The following HIPK1 variants were observed in gnomAD, a reference collection of about 807,000 sequenced individuals.
HIPK1 encodes homeodomain-interacting protein kinase 1.
Under a neutral mutation model 117.1 loss-of-function variants are expected in HIPK1, and 28 were observed. The ratio of observed to expected loss-of-function variants is 0.24; its 90% confidence interval spans 0.18 to 0.33. HIPK1 has a LOEUF of 0.33. Ranked by LOEUF, HIPK1 falls within the 10% of genes least tolerant of loss-of-function variation. The probability of loss-of-function intolerance (pLI) is 1.00; values close to 1 mark genes in which losing one functional copy is unlikely to be tolerated. For missense variants in HIPK1, 1,122 were observed against 1,475.1 expected, an observed-to-expected ratio of 0.76 and a Z score of 3.92; for synonymous variants, 605 against 562.5, an observed-to-expected ratio of 1.08 and a Z score of -1.07.
At chr1:113,965,551 A>G (rs143263012) in intron 10 of HIPK1, among the ~76,000 whole-genome samples, 1 of 152,170 alleles carries the variant, frequency 6.6e-6, no homozygotes, top group African/African-American at 2.4e-5. Flanking sequence ...GTGGCTATAA[A>G]TGATGAAGTT....
chr1:113,929,933 A>G, intron 1 of HIPK1: 1 of 984,860 alleles, frequency 1.0e-6, no homozygotes, highest in Non-Finnish European at 1.2e-6. Context: ...AACCAGACAC[A>G]CCGGCGGTGA....
intron 14 of HIPK1, 129 bp from the exon 15 acceptor site, chr1:113,971,695 T>C: frequency 1.3e-6 from 1 of 765,768 alleles, no homozygotes; most frequent in African/African-American, 1.9e-5. Context: ...GTTATTTTCT[T>C]CTGATGTAAA....
At chr1:113,952,064 G>A (rs1330106978) in intron 2 of HIPK1, among the ~76,000 whole-genome samples, 7 of 148,272 alleles carry the variant, frequency 4.7e-5, no homozygotes, top group African/African-American at 1.2e-4. Context: ...TCAACCTCCT[G>A]AGTAGCTGGG....
intron 8 of HIPK1, among the ~76,000 whole-genome samples, chr1:113,961,588 C>CTTA (rs1294258331): frequency 2.0e-5 from 3 of 152,142 alleles, no homozygotes; most frequent in African/African-American, 4.8e-5. Flanking sequence ...AAAAGTTATA[C>CTTA]TTAAGCCTTT....
chr1:113,973,838 T>A lies in HIPK1; in HGVS notation c.*326T>A. 4.8e-6 allele frequency: 1 copy of A among 206,584 alleles called. No homozygotes were observed. Among genetic ancestry groups the A allele is most frequent in the East Asian group, 1.1e-4 (1 of 9,076 alleles). The allele number at this position is 206,584 out of a possible 1,614,324, so 12.8% of individuals were successfully genotyped here. A position where few individuals can be genotyped will look rare whatever the true frequency, so the allele number is the denominator to read the frequency against. On this transcript the variant is annotated 3_prime_UTR_variant, in exon 16 of 16. Transcript: ENST00000426820. Reference sequence around the variant, plus strand: ...TTCTGAAGTTACCCTCTGAAAAATATTTTGTCTCTCTGACTTGATTTCTAT... The same window carrying A: ...TTCTGAAGTTACCCTCTGAAAAATAATTTGTCTCTCTGACTTGATTTCTAT...
Position 113,941,319 on chromosome 1 carries a change from C to G in HIPK1, c.936C>G (p.Ile312Met). The G allele has an allele frequency of 6.2e-7, 1 of 1,614,228 alleles. No individual in the cohort carries two copies. Among genetic ancestry groups the G allele is most frequent in the South Asian group, 1.1e-5 (1 of 91,090 alleles). ...TGAAGCTCAAGAGTCTTGGTCTGATCCACGCTGACCTTAAGCCTGAAAACA... is the reference window on the plus strand; with the variant it reads ...TGAAGCTCAAGAGTCTTGGTCTGATGCACGCTGACCTTAAGCCTGAAAACA... ...ALMKLKSLGL[I>M]HADLKPENIM... The change falls in exon 2 of 16, where the codon ATC becomes ATG. Residue 312 changes from isoleucine (I) to methionine (M), a missense_variant. Physicochemically the swap from Ile to Met is conservative, Grantham distance 10. Around this residue, in one of 6 missense-constraint regions of HIPK1, gnomAD observed 62 missense variants for 121.5 expected, o/e 0.51. Coordinates refer to ENST00000426820, the MANE Select transcript of HIPK1 (RefSeq NM_198268.3). This position sits in a 1 kb window ranked among gnomAD's most constrained non-coding sequence, Gnocchi z 4.9.
chr1:113,968,047 A>G, intron 12 of HIPK1, 99 bp downstream of exon 12: 1 of 1,027,578 alleles, frequency 9.7e-7, no homozygotes, highest in Admixed American at 3.0e-5. Context: ...ATAGATATGA[A>G]GCAGCAAGTA....
intron 2 of HIPK1, among the ~76,000 whole-genome samples, chr1:113,943,650 G>A (rs2101195612): frequency 6.6e-6 from 1 of 152,294 alleles, no homozygotes; most frequent in South Asian, 2.1e-4. Context: ...AGCTAGGAGT[G>A]GAATTGCTGG....
At position 113,974,870 on chromosome 1, in the gene HIPK1, G is replaced by A. The variant is rs1673055109; in HGVS notation, c.*1358G>A. The A allele has an allele frequency of 6.5e-6, 1 of 152,708 alleles. No individual in the cohort carries two copies. Among genetic ancestry groups the A allele is most frequent in the African/African-American group, 2.4e-5 (1 of 41,418 alleles). 9.5% of individuals were successfully genotyped at this position (152,708 alleles called of 1,614,324 possible). Reference sequence around the variant, plus strand: ...TGTGTAGTGATTACACTTGAATTGTGTACTTAGTGTGTATGTGATCCTCCA... The same window carrying A: ...TGTGTAGTGATTACACTTGAATTGTATACTTAGTGTGTATGTGATCCTCCA... On this transcript the variant is annotated 3_prime_UTR_variant, in exon 16 of 16. Coordinates refer to ENST00000426820, the MANE Select transcript of HIPK1 (RefSeq NM_198268.3).
chr1:113,962,511 AT>A, intron 9 of HIPK1, 73 bp downstream of exon 9: 1 of 1,472,282 alleles, frequency 6.8e-7, no homozygotes, highest in Non-Finnish European at 9.2e-7. Flanking sequence ...GTCCTAGAAA[AT>A]GGTATTTCCT....
chr1:113,959,444 A>G (rs767809853), intron 8 of HIPK1, among the ~76,000 whole-genome samples: 17 of 152,302 alleles, frequency 1.1e-4, no homozygotes, highest in Admixed American at 2.6e-4. Context: ...TATGCTTCAT[A>G]ATAGTAAATT....
chr1:113,942,176 CTCCTG>C (rs937087777), intron 2 of HIPK1, among the ~76,000 whole-genome samples: 6 of 151,016 alleles, frequency 4.0e-5, no homozygotes, highest in Admixed American at 1.3e-4. Flanking sequence ...TCTCCTGCTA[CTCCTG>C]TCCTGAGTAG....
chr1:113,945,827 G>A (rs1229019768), intron 2 of HIPK1, among the ~76,000 whole-genome samples: 1 of 152,038 alleles, frequency 6.6e-6, no homozygotes, highest in Non-Finnish European at 1.5e-5. Context: ...TTGGCTATTT[G>A]GGGTCTTTGA....
At chr1:113,956,984 C>A in intron 6 of HIPK1, 140 bp from the exon 7 acceptor site, 1 of 890,478 alleles carries the variant, frequency 1.1e-6, no homozygotes, top group Non-Finnish European at 1.7e-6. Context: ...TATTTTTCTT[C>A]CCTATGATTA....
intron 13 of HIPK1, among the ~76,000 whole-genome samples, chr1:113,969,063 T>C (rs1052433574): frequency 1.3e-5 from 2 of 152,058 alleles, no homozygotes; most frequent in African/African-American, 4.8e-5. Context: ...AAAAGGTGTT[T>C]TGGAAGCATA....
intron 3 of HIPK1, among the ~76,000 whole-genome samples, chr1:113,953,191 T>C (rs1250493681): frequency 6.6e-6 from 1 of 152,196 alleles, no homozygotes; most frequent in African/African-American, 2.4e-5. Flanking sequence ...CTTTGTGAGT[T>C]AGGAAAGTAG....
At position 113,966,272 on chromosome 1, in the gene HIPK1, G is replaced by A. The variant is rs753788648; in HGVS notation, c.2381G>A (p.Arg794Lys). ...MGSGQQLADW[R>K]NAHSHGNQYS... ...AGTGGACAGCAGCTAGCTGACTGGA[G>A]GCAAGTGTCCTGTGTTACTCTGGGA... The change falls in exon 11 of 16, where the codon AGG (arginine) becomes AAG (lysine). Residue 794 changes from arginine (R) to lysine (K), a missense_variant and splice_region_variant. Physicochemically the swap from Arg to Lys is conservative, Grantham distance 26. Around this residue, in one of 6 missense-constraint regions of HIPK1, gnomAD observed 731 missense variants for 860.4 expected, o/e 0.85. Coordinates refer to ENST00000426820, the MANE Select transcript of HIPK1 (RefSeq NM_198268.3). 2 of 1,613,148 alleles carry A rather than the reference G, an allele frequency of 1.2e-6. No individual in the cohort carries two copies. Among genetic ancestry groups the A allele is most frequent in the Non-Finnish European group, 1.7e-6 (2 of 1,179,560 alleles).
chr1:113,942,115 G>A (rs939364979), intron 2 of HIPK1, among the ~76,000 whole-genome samples: 1 of 150,786 alleles, frequency 6.6e-6, no homozygotes, highest in Non-Finnish European at 1.5e-5. Flanking sequence ...CTAGAGTGCA[G>A]TGGTGTGACA....
chr1:113,946,900 G>GCATT (rs1478670620), intron 2 of HIPK1, among the ~76,000 whole-genome samples: 1 of 152,150 alleles, frequency 6.6e-6, no homozygotes, highest in Non-Finnish European at 1.5e-5. Context: ...AGCAGCTCAG[G>GCATT]CATTCCTTCT....
Sources: allele counts gnomAD v4.1 joint callset (sites outside exome capture counted in the v4.1 genomes callset), GRCh38; gene constraint gnomAD v4.1.1; regional missense constraint gnomAD v4.1.1; non-coding constraint Gnocchi (gnomAD v3.1); transcripts MANE v1.5; gene names NCBI Gene and HGNC (gene_info 2026-07-23, HGNC 2026-07-21).